WRNIP1: variants seen among roughly 807,000 people sequenced by gnomAD.
WRNIP1 encodes WRN helicase interacting protein 1.
A neutral mutation model predicts 56.1 loss-of-function variants in WRNIP1; 41 were observed. The ratio of observed to expected loss-of-function variants is 0.73; its 90% CI spans 0.57 to 0.95. The LOEUF is 0.95. WRNIP1 is among the 40% of genes least tolerant of loss of function. The pLI, the probability that WRNIP1 is intolerant of heterozygous loss-of-function variation, is 0.00. For missense variants in WRNIP1, 1,170 were observed against 939.4 expected (o/e 1.25, Z -3.21); for synonymous variants, 547 against 398.1 (o/e 1.37, Z -4.45).
intron 1 of WRNIP1, among the ~76,000 whole-genome samples, chr6:2,766,741 C>T (rs1017371174): frequency 1.3e-5 from 2 of 152,190 alleles, no homozygotes; most frequent in Non-Finnish European, 2.9e-5. Context: ...CTGCCTTTAT[C>T]TTCCATCGGT....
chr6:2,782,956 C>G (rs1402330081), intron 4 of WRNIP1, among the ~76,000 whole-genome samples: 1 of 152,226 alleles, frequency 6.6e-6, no homozygotes, highest in Non-Finnish European at 1.5e-5. Flanking sequence ...CACTGAGGAA[C>G]AGATGGGCTA....
intron 1 of WRNIP1, among the ~76,000 whole-genome samples, chr6:2,768,151 G>A (rs540696187): frequency 4.3e-4 from 66 of 152,314 alleles, no homozygotes; most frequent in African/African-American, 1.3e-3. Context: ...TCCTACCAGA[G>A]TGAACATGCA....
In WRNIP1 at chr6:2,765,448, A is replaced by C. The variant is rs1764892429; in HGVS notation, c.-175A>C. On this transcript the variant is annotated 5_prime_UTR_variant, in exon 1 of 7. Transcript: ENST00000380773. Reference sequence around the variant, plus strand: ...CCAGCGGCCGGCCGAGGGCGGGCGGACGCGGGAGCTGCGGACGTGAGGCAT... The same window carrying C: ...CCAGCGGCCGGCCGAGGGCGGGCGGCCGCGGGAGCTGCGGACGTGAGGCAT... 5 of 736,254 alleles carry C rather than the reference A, an allele frequency of 6.8e-6. No homozygotes were observed. Among genetic ancestry groups the C allele is most frequent in the Non-Finnish European group, 9.1e-6 (5 of 547,694 alleles). The allele number at this position is 736,254 out of a possible 1,614,324, so 45.6% of individuals were successfully genotyped here. A position where few individuals can be genotyped will look rare whatever the true frequency, so the allele number is the denominator to read the frequency against.
intron 3 of WRNIP1, among the ~76,000 whole-genome samples, chr6:2,778,531 G>A (rs183622576): frequency 1.8e-4 from 27 of 152,292 alleles, no homozygotes; most frequent in African/African-American, 6.5e-4. Context: ...AGAGAGGTTA[G>A]GTGGCTTACC....
Position 2,765,968 on chromosome 6 carries a change from A to C in WRNIP1, c.346A>C (p.Thr116Pro). ...CCGCGAGAGCTACGACGCGCCGCCC[A>C]CACCCAGCGGCGCCCGCCTTATCCC... ...ESRESYDAPP[T>P]PSGARLIPDF... The change falls in exon 1 of 7, where the codon ACA becomes CCA. Residue 116 changes from threonine to proline, a missense_variant. By Grantham distance (38) the Thr-to-Pro change is conservative. Coordinates refer to ENST00000380773, the MANE Select transcript of WRNIP1 (RefSeq NM_020135.3). The C allele has an allele frequency of 1.4e-6, 2 of 1,415,868 alleles. No homozygotes were observed. Among genetic ancestry groups the C allele is most frequent in the Non-Finnish European group, 1.8e-6 (2 of 1,083,832 alleles). The allele number at this position is 1,415,868 out of a possible 1,614,324, so 87.7% of individuals were successfully genotyped here. A position where few individuals can be genotyped will look rare whatever the true frequency, so the allele number is the denominator to read the frequency against.
In WRNIP1 at chr6:2,765,455, A is replaced by G; in HGVS notation, c.-168A>G. 1.3e-6 allele frequency: 1 copy of G among 791,760 alleles called. No individual in the cohort carries two copies. The highest frequency in any genetic ancestry group is 5.7e-5 in the South Asian group (1 of 17,640). 49.0% of individuals were successfully genotyped at this position (791,760 alleles called of 1,614,324 possible). On this transcript the variant is annotated 5_prime_UTR_variant, in exon 1 of 7. Transcript: ENST00000380773. ...CCGGCCGAGGGCGGGCGGACGCGGGAGCTGCGGACGTGAGGCATGAGCGGC... is the reference window on the plus strand; with the variant it reads ...CCGGCCGAGGGCGGGCGGACGCGGGGGCTGCGGACGTGAGGCATGAGCGGC...
Position 2,766,286 on chromosome 6 carries a change from C to T in WRNIP1, c.664C>T (p.Leu222=), listed in dbSNP as rs753584018. ...ALAAEEIRQM[L]QGKPLADTMR... is the part of the protein sequence containing the mutation. ...GGCTGCCGAGGAGATCCGACAGATG[C>T]TACAGGGCAAGCCGCTGGCCGACAC... The change falls in exon 1 of 7, where the codon CTA becomes TTA. Residue 222 remains leucine (L), a synonymous_variant. Coordinates refer to ENST00000380773, the MANE Select transcript of WRNIP1 (RefSeq NM_020135.3). The T allele has an allele frequency of 4.4e-6, 7 of 1,596,878 alleles. No individual in the cohort carries two copies. Among genetic ancestry groups the T allele is most frequent in the Admixed American group, 3.4e-5 (2 of 58,176 alleles).
At chr6:2,770,012 C>A in intron 2 of WRNIP1, 108 bp from the exon 3 acceptor site, 2 of 1,494,656 alleles carry the variant, frequency 1.3e-6, no homozygotes, top group South Asian at 2.5e-5. Flanking sequence ...TTCCTGAACT[C>A]GAAAGATAAA....
chr6:2,779,165 T>G, intron 3 of WRNIP1, 98 bp from the exon 4 acceptor site: 1 of 1,281,162 alleles, frequency 7.8e-7, no homozygotes, highest in Non-Finnish European at 1.1e-6. Context: ...CTTGAACTCT[T>G]CAGTGTCCTT....
chr6:2,783,811 C>T (rs1036279261), intron 5 of WRNIP1, among the ~76,000 whole-genome samples: 5 of 151,934 alleles, frequency 3.3e-5, no homozygotes, highest in African/African-American at 7.3e-5. Flanking sequence ...TCTGTTTCCT[C>T]TTCGGGAATG....
In WRNIP1 at chr6:2,785,545, A is replaced by G; in HGVS notation, c.*263A>G. 2 of 460,044 alleles carry G rather than the reference A, an allele frequency of 4.3e-6. No individual in the cohort carries two copies. Among genetic ancestry groups the G allele is most frequent in the South Asian group, 6.9e-5 (2 of 28,902 alleles). The allele number at this position is 460,044 out of a possible 1,614,324, so 28.5% of individuals were successfully genotyped here. A position where few individuals can be genotyped will look rare whatever the true frequency, so the allele number is the denominator to read the frequency against. On this transcript the variant is annotated 3_prime_UTR_variant, in exon 7 of 7. Transcript: ENST00000380773. ...GTGCAATGAATTAATGTTATAAGGA[A>G]TTATCTATTTTGTCATAGTATTTAA... is the stretch of plus-strand genomic sequence containing the variant.
Position 2,784,732 on chromosome 6 carries a change from A to G in WRNIP1, c.1723-275A>G, listed in dbSNP as rs569396768. Among the ~76,000 whole-genome samples, 8 of 152,180 alleles carry G rather than the reference A, an allele frequency of 5.3e-5. No homozygotes were observed. The South Asian group carries it at 6.2e-4, about 12-fold the overall frequency. ...GAGCAGCTTCATATTCATCTCTTTT[A>G]TATATTGGGGGCTTAAGAAAAATTT... On this transcript the variant is annotated intron_variant, in intron 6 of 6. Transcript: ENST00000380773.
At chr6:2,780,495 T>C (rs993765816) in intron 4 of WRNIP1, among the ~76,000 whole-genome samples, 1 of 152,184 alleles carries the variant, frequency 6.6e-6, no homozygotes, top group East Asian at 1.9e-4. Context: ...TCATTAGTGC[T>C]AAGGACACAC....
In WRNIP1 at chr6:2,765,700, G is replaced by T; in HGVS notation, c.78G>T (p.Met26Ile). ...TGCAGTGCCCCGTGTGCCAGCAGAT[G>T]ATGCCCGCCGCGCACATCAACTCGC... Reference protein sequence around the residue: ...HQVQCPVCQQMMPAAHINSHL... With the variant: ...HQVQCPVCQQIMPAAHINSHL... Residue 26 changes from methionine to isoleucine, a missense_variant, in exon 1 of 7, where the codon ATG becomes ATT. Met to Ile is a conservative substitution (Grantham distance 10, BLOSUM62 1). Transcript: ENST00000380773. 6.5e-7 allele frequency: 1 copy of T among 1,548,426 alleles called. No individual in the cohort carries two copies.
At chr6:2,783,915 A>G (rs1765644334) in intron 5 of WRNIP1, among the ~76,000 whole-genome samples, 1 of 152,180 alleles carries the variant, frequency 6.6e-6, no homozygotes, top group Non-Finnish European at 1.5e-5. Context: ...TTCTTTGGAC[A>G]GCTCCCAAGG....
At chr6:2,777,168 C>T (rs1561914091) in intron 3 of WRNIP1, among the ~76,000 whole-genome samples, 1 of 152,104 alleles carries the variant, frequency 6.6e-6, no homozygotes, top group Admixed American at 6.6e-5. Context: ...TTTGTTTTCT[C>T]TATACTTTCC....
intron 5 of WRNIP1, among the ~76,000 whole-genome samples, chr6:2,784,046 T>A: frequency 6.6e-6 from 1 of 152,212 alleles, no homozygotes; most frequent in Non-Finnish European, 1.5e-5. Context: ...TCCATAGCCT[T>A]CACTTCTTAT....
chr6:2,768,963 G>C, intron 2 of WRNIP1, 81 bp downstream of exon 2: 4 of 1,374,064 alleles, frequency 2.9e-6, no homozygotes, highest in Non-Finnish European at 3.9e-6. Flanking sequence ...ACAAACGCTA[G>C]AGACTTACGA....
Position 2,766,093 on chromosome 6 carries a change from GGACGAGGCGGAGGCGCAGGAGGAGGA to G in WRNIP1, c.473_498del (p.Asp158GlyfsTer68). 1 of 1,316,072 alleles carries G rather than the reference GGACGAGGCGGAGGCGCAGGAGGAGGA, an allele frequency of 7.6e-7. No homozygotes were observed. The highest frequency in any genetic ancestry group is 9.6e-7 in the Non-Finnish European group (1 of 1,040,184). 81.5% of individuals were successfully genotyped at this position (1,316,072 alleles called of 1,614,324 possible). ...CGGGGAGCGCGTCTCCGCGCAGCTG[GGACGAGGCGGAGGCGCAGGAGGAGGA>G]GGAGGCCGTGGGCGACGGCGATGGC... On this transcript the variant is annotated frameshift_variant, in exon 1 of 7. Coordinates refer to ENST00000380773, the MANE Select transcript of WRNIP1 (RefSeq NM_020135.3). LOFTEE classifies it high-confidence loss of function.
Sources: gnomAD v4.1 joint callset for allele counts (sites outside exome capture counted in the v4.1 genomes callset) on GRCh38, gnomAD v4.1.1 for gene constraint, MANE v1.5 for transcripts, NCBI Gene and HGNC (gene_info 2026-07-23, HGNC 2026-07-21) for gene names.